The following ZNF776 variants were observed in gnomAD, a reference collection of about 807,000 sequenced individuals.
ZNF776 encodes the protein zinc finger protein 776.
In ZNF776, 4 loss-of-function variants were observed where a neutral mutation model predicts 7.0. The ratio of observed to expected loss-of-function variants is 0.57; its 90% CI spans 0.28 to 1.31. ZNF776 has a LOEUF of 1.31. ZNF776 is among the 50% of genes most tolerant of loss of function. The pLI is 0.10. For synonymous variants in ZNF776, 212 were observed against 213.7 expected (o/e 0.99, Z 0.07); for missense variants, 555 against 625.9 (o/e 0.89, Z 1.21).
In ZNF776 at chr19:57,751,868, G is replaced by GGT. The variant is rs1986613708; in HGVS notation, c.160+957_160+958insGT. ...TTTGTTCATTTGTATTTTTGGTTTT[G>GGT]TTTTTTTTTTTTTTTTTTTTTTGAG... On this transcript the variant is annotated intron_variant, in intron 2 of 2. Transcript: ENST00000317178. Among the ~76,000 whole-genome samples the GGT allele has an allele frequency of 5.0e-4, 34 of 67,526 alleles. 1 individual carries two copies. The highest frequency in any genetic ancestry group is 1.8e-3 in the African/African-American group (33 of 18,122). 44.3% of individuals were successfully genotyped at this position (67,526 alleles called of 152,430 possible).
intron 1 of ZNF776, among the ~76,000 whole-genome samples, chr19:57,747,511 G>A (rs550230457): frequency 3.9e-4 from 59 of 152,290 alleles, no homozygotes; most frequent in African/African-American, 1.3e-3. Context: ...AGAACACAGG[G>A]GATGACTTTT....
chr19:57,754,474 T>C lies in ZNF776; in HGVS notation c.1344T>C (p.Ile448=). 1 of 1,614,178 alleles carries C rather than the reference T, an allele frequency of 6.2e-7. No individual in the cohort carries two copies. The highest frequency in any genetic ancestry group is 1.1e-5 in the South Asian group (1 of 91,082). The change falls in exon 3 of 3, where the codon ATT becomes ATC. Residue 448 remains isoleucine, a synonymous_variant. Coordinates refer to ENST00000317178, the MANE Select transcript of ZNF776 (RefSeq NM_173632.4). The part of the protein sequence containing the change: ...GKCFHQKGSL[I]QHQQIHSGER... Reference sequence around the variant, plus strand: ...GTTTTCATCAAAAGGGCAGTCTCATTCAACATCAGCAGATCCACTCTGGAG... The same window carrying C: ...GTTTTCATCAAAAGGGCAGTCTCATCCAACATCAGCAGATCCACTCTGGAG...
rs996444870 is a variant in ZNF776, at chr19:57,758,120, G to A, written c.*3433G>A. ...ATGTTATTGCTTCTTATTTTTGTCT[G>A]TTAGGAATAAAACTGCTTGTTAAGC... On this transcript the variant is annotated 3_prime_UTR_variant, in exon 3 of 3. Coordinates refer to ENST00000317178, the MANE Select transcript of ZNF776 (RefSeq NM_173632.4). 1 of 152,112 alleles carries A rather than the reference G, an allele frequency of 6.6e-6. No individual in the cohort carries two copies. Among genetic ancestry groups the A allele is most frequent in the Non-Finnish European group, 1.5e-5 (1 of 68,016 alleles). 9.4% of individuals were successfully genotyped at this position (152,112 alleles called of 1,614,324 possible).
At position 57,755,597 on chromosome 19, in the gene ZNF776, ACTT is replaced by A. The variant is rs1415208656; in HGVS notation, c.*914_*916del. On this transcript the variant is annotated 3_prime_UTR_variant, in exon 3 of 3. Coordinates refer to ENST00000317178, the MANE Select transcript of ZNF776 (RefSeq NM_173632.4). ...AATAACATAGATGTGTGGGAATATT[ACTT>A]CTTGTCCAGTGTAACTGTGGGAGAG... 6.6e-6 allele frequency: 1 copy of A among 152,128 alleles called. No individual in the cohort carries two copies. Among genetic ancestry groups the A allele is most frequent in the Non-Finnish European group, 1.5e-5 (1 of 68,040 alleles). 9.4% of individuals were successfully genotyped at this position (152,128 alleles called of 1,614,324 possible).
Position 57,750,806 on chromosome 19 carries a change from G to A in ZNF776, c.55G>A (p.Val19Met), listed in dbSNP as rs761718865. 1 of 1,612,802 alleles carries A rather than the reference G, an allele frequency of 6.2e-7. No homozygotes were observed. The highest frequency in any genetic ancestry group is 8.5e-7 in the Non-Finnish European group (1 of 1,179,180). ...GCAGGGCACTGTGACCTTTGAAGAT[G>A]TGGCTGTGAACTTTTCCCAGGAGGA... ...PAQGTVTFED[V>M]AVNFSQEEWS... The change falls in exon 2 of 3, where the codon GTG becomes ATG. Residue 19 changes from valine (V) to methionine (M), a missense_variant. Val to Met is a conservative substitution (Grantham distance 21, BLOSUM62 1). Coordinates refer to ENST00000317178, the MANE Select transcript of ZNF776 (RefSeq NM_173632.4).
Position 57,752,409 on chromosome 19 carries a change from C to T in ZNF776, c.161-882C>T, listed in dbSNP as rs187742857. On this transcript the variant is annotated intron_variant, in intron 2 of 2. Transcript: ENST00000317178. ...TCTTCTCTCTTGTCTTTCTCTTATT[C>T]TTTATGTCATCCATGTCTCATGTAA... Among the ~76,000 whole-genome samples, 370 of 152,256 alleles carry T rather than the reference C, an allele frequency of 2.4e-3. 1 individual carries two copies. The highest frequency in any genetic ancestry group is 8.3e-3 in the African/African-American group (345 of 41,540).
Position 57,747,063 on chromosome 19 carries a change from C to T in ZNF776, c.5C>T (p.Ala2Val), listed in dbSNP as rs868644012. ...CCGCTTTCCCCACCCAGTCGGATGG[C>T]GGCGGCCGCGCTGAGGCCCCCGGCT... is the stretch of plus-strand genomic sequence containing the variant. M[A>V]AAALRPPAQG... Residue 2 changes from alanine (A) to valine (V), a missense_variant, in exon 1 of 3, where the codon GCG (alanine) becomes GTG (valine). Physicochemically the swap from Ala to Val is moderately conservative, Grantham distance 64. Coordinates refer to ENST00000317178, the MANE Select transcript of ZNF776 (RefSeq NM_173632.4). 3 of 1,587,434 alleles carry T rather than the reference C, an allele frequency of 1.9e-6. No homozygotes were observed. The highest frequency in any genetic ancestry group is 1.7e-6 in the Non-Finnish European group (2 of 1,167,042).
At position 57,753,562 on chromosome 19, in the gene ZNF776, C is replaced by T; in HGVS notation, c.432C>T (p.Ser144=). The T allele has an allele frequency of 6.2e-7, 1 of 1,614,222 alleles. No individual in the cohort carries two copies. ...KQHIGEKSYR[S]NAKGTSFVKN... is the part of the protein sequence containing the mutation. ...ACATTGGAGAGAAATCGTACAGAAG[C>T]AATGCCAAGGGAACATCTTTTGTAA... The change falls in exon 3 of 3, where the codon AGC becomes AGT. Residue 144 remains serine, a synonymous_variant. Coordinates refer to ENST00000317178, the MANE Select transcript of ZNF776 (RefSeq NM_173632.4).
At chr19:57,752,338 T>C (rs1262497335) in intron 2 of ZNF776, among the ~76,000 whole-genome samples, 1 of 152,214 alleles carries the variant, frequency 6.6e-6, no homozygotes, top group Non-Finnish European at 1.5e-5. Flanking sequence ...TTTTCTTTCC[T>C]ATGGGCTATC....
intron 2 of ZNF776, among the ~76,000 whole-genome samples, chr19:57,751,396 C>CT (rs1568475486): frequency 6.6e-6 from 1 of 152,168 alleles, no homozygotes; most frequent in Admixed American, 6.6e-5. Context: ...AGTCTTAACT[C>CT]TGTCACCCAG....
chr19:57,752,593 G>A (rs539488139), intron 2 of ZNF776, among the ~76,000 whole-genome samples: 1 of 152,282 alleles, frequency 6.6e-6, no homozygotes, highest in South Asian at 2.1e-4. Context: ...AGTCATGCTA[G>A]AAGCTCTCTG....
At chr19:57,751,593 C>T (rs908093313) in intron 2 of ZNF776, among the ~76,000 whole-genome samples, 1 of 151,966 alleles carries the variant, frequency 6.6e-6, no homozygotes, top group Admixed American at 6.6e-5. Flanking sequence ...CTCTGACTCC[C>T]AACCTCACGT....
rs1287030773 is a variant in ZNF776, at chr19:57,756,316, C to G, written c.*1629C>G. On this transcript the variant is annotated 3_prime_UTR_variant, in exon 3 of 3. Transcript: ENST00000317178. ...CAAGTACAAGCTGCCTCTCATTGTTCTGGTTTCTGCTATGATGAAGTCCTT... is the reference window on the plus strand; with the variant it reads ...CAAGTACAAGCTGCCTCTCATTGTTGTGGTTTCTGCTATGATGAAGTCCTT... 2 of 152,114 alleles carry G rather than the reference C, an allele frequency of 1.3e-5. No homozygotes were observed. Among genetic ancestry groups the G allele is most frequent in the Non-Finnish European group, 2.9e-5 (2 of 68,026 alleles). The allele number at this position is 152,114 out of a possible 1,614,324, so 9.4% of individuals were successfully genotyped here. A position where few individuals can be genotyped will look rare whatever the true frequency, so the allele number is the denominator to read the frequency against.
Position 57,754,665 on chromosome 19 carries a change from GAGAA to G in ZNF776, c.1539_1542del (p.Glu513AspfsTer49), listed in dbSNP as rs759661290. On this transcript the variant is annotated frameshift_variant, in exon 3 of 3. Coordinates refer to ENST00000317178, the MANE Select transcript of ZNF776 (RefSeq NM_173632.4). LOFTEE classifies it low-confidence loss of function (END_TRUNC). ...ATTAAACATCAACGAGTTCACACGG[GAGAA>G]AGACATCATGAATGTTGAAAATTTG... 2 of 1,610,576 alleles carry G rather than the reference GAGAA, an allele frequency of 1.2e-6. No individual in the cohort carries two copies. The highest frequency in any genetic ancestry group is 1.7e-6 in the Non-Finnish European group (2 of 1,177,022).
Position 57,755,237 on chromosome 19 carries a change from C to T in ZNF776, c.*550C>T. ...GTGGGAAAACTCTGGTTTCATTAAA[C>T]ACAGGAGAGTTCATGCTAGAGAAAG... On this transcript the variant is annotated 3_prime_UTR_variant, in exon 3 of 3. Transcript: ENST00000317178. 6.3e-6 allele frequency: 1 copy of T among 158,202 alleles called. No individual in the cohort carries two copies. Among genetic ancestry groups the T allele is most frequent in the South Asian group, 1.8e-4 (1 of 5,534 alleles). 9.8% of individuals were successfully genotyped at this position (158,202 alleles called of 1,614,324 possible). A position where few individuals can be genotyped will look rare whatever the true frequency, so the allele number is the denominator to read the frequency against.
intron 1 of ZNF776, among the ~76,000 whole-genome samples, chr19:57,749,634 C>G (rs1455397925): frequency 6.6e-6 from 1 of 152,178 alleles, no homozygotes; most frequent in Admixed American, 6.5e-5. Context: ...TCCCTTCCCA[C>G]TAGGCTCTTT....
chr19:57,747,051 C>A lies in ZNF776; in HGVS notation c.-8C>A. The A allele has an allele frequency of 6.3e-7, 1 of 1,585,942 alleles. No homozygotes were observed. The highest frequency in any genetic ancestry group is 2.3e-5 in the East Asian group (1 of 42,906). ...CTCCTTTCGACCCCGCTTTCCCCAC[C>A]CAGTCGGATGGCGGCGGCCGCGCTG... On this transcript the variant is annotated 5_prime_UTR_variant, in exon 1 of 3. Transcript: ENST00000317178.
Position 57,755,913 on chromosome 19 carries a change from TC to T in ZNF776, c.*1227del, listed in dbSNP as rs1986763089. 1 of 152,220 alleles carries T rather than the reference TC, an allele frequency of 6.6e-6. No homozygotes were observed. The highest frequency in any genetic ancestry group is 1.5e-5 in the Non-Finnish European group (1 of 68,042). The allele number at this position is 152,220 out of a possible 1,614,324, so 9.4% of individuals were successfully genotyped here. On this transcript the variant is annotated 3_prime_UTR_variant, in exon 3 of 3. Coordinates refer to ENST00000317178, the MANE Select transcript of ZNF776 (RefSeq NM_173632.4). ...TCTGCACTCGTTCCTTTCTCATTTC[TC>T]TATGAAGAGTTAGGCCATGGACCTG...
In ZNF776 at chr19:57,757,554, GTT is replaced by G. The variant is rs1986814016; in HGVS notation, c.*2868_*2869del. On this transcript the variant is annotated 3_prime_UTR_variant, in exon 3 of 3. Coordinates refer to ENST00000317178, the MANE Select transcript of ZNF776 (RefSeq NM_173632.4). ...TTGCCCCCCTTAGGGCGTGATGAGA[GTT>G]AGGAGAGTCAATGTAAAATCACATA... 6.6e-6 allele frequency: 1 copy of G among 152,236 alleles called. No individual in the cohort carries two copies. Among genetic ancestry groups the G allele is most frequent in the African/African-American group, 2.4e-5 (1 of 41,442 alleles). The allele number at this position is 152,236 out of a possible 1,614,324, so 9.4% of individuals were successfully genotyped here.
Sources: gnomAD v4.1 joint callset for allele counts (sites outside exome capture counted in the v4.1 genomes callset) on GRCh38, gnomAD v4.1.1 for gene constraint, MANE v1.5 for transcripts, NCBI Gene and HGNC (gene_info 2026-07-23, HGNC 2026-07-21) for gene names.